Variants in ZFYVE9 observed in about 807,000 individuals in gnomAD.
ZFYVE9 encodes the protein zinc finger FYVE-type containing 9, also known as zinc finger FYVE domain-containing protein 9.
In ZFYVE9, 43 loss-of-function variants were observed where a neutral mutation model predicts 126.7. That is an observed-to-expected ratio of 0.34 (90% CI 0.27 to 0.44). The LOEUF (loss-of-function observed/expected upper bound fraction) is 0.44. ZFYVE9 is among the 20% of genes least tolerant of loss of function. The pLI is 1.00. For missense variants in ZFYVE9, 1,476 were observed against 1,697.0 expected (o/e 0.87, Z 2.29); for synonymous variants, 521 against 597.4 (o/e 0.87, Z 1.87).
At chr1:52,233,937 T>A (rs1029930202) in intron 3 of ZFYVE9, among the ~76,000 whole-genome samples, 5 of 152,028 alleles carry the variant, frequency 3.3e-5, no homozygotes, top group African/African-American at 1.2e-4. Flanking sequence ...CCCGCCACCA[T>A]GCCTGGCTAA....
intron 3 of ZFYVE9, among the ~76,000 whole-genome samples, chr1:52,235,003 G>A (rs1645260963): frequency 6.6e-6 from 1 of 152,124 alleles, no homozygotes; most frequent in South Asian, 2.1e-4. Flanking sequence ...TGTGACTTCT[G>A]TAGATTCTAT....
chr1:52,307,913 G>A (rs1430888259), intron 13 of ZFYVE9, among the ~76,000 whole-genome samples: 1 of 151,688 alleles, frequency 6.6e-6, no homozygotes, highest in Non-Finnish European at 1.5e-5. Flanking sequence ...TACCACGCCC[G>A]GCTAATTTTT....
At chr1:52,177,504 A>C (rs754812564) in intron 1 of ZFYVE9, among the ~76,000 whole-genome samples, 22 of 152,266 alleles carry the variant, frequency 1.4e-4, no homozygotes, top group Non-Finnish European at 2.6e-4. Context: ...TACATGACCC[A>C]TGTACTCTCT....
At chr1:52,234,691 CTA>C (rs1645257167) in intron 3 of ZFYVE9, among the ~76,000 whole-genome samples, 1 of 152,180 alleles carries the variant, frequency 6.6e-6, no homozygotes, top group Non-Finnish European at 1.5e-5. Context: ...CATTGATGAC[CTA>C]ACACTAACCT....
Position 52,303,838 on chromosome 1 carries a change from G to A in ZFYVE9, c.3351G>A (p.Gln1117=), listed in dbSNP as rs1646057431. 2 of 1,587,476 alleles carry A rather than the reference G, an allele frequency of 1.3e-6. No homozygotes were observed. Among genetic ancestry groups the A allele is most frequent in the Non-Finnish European group, 1.7e-6 (2 of 1,167,534 alleles). Residue 1117 remains glutamine (Q), a synonymous_variant, in exon 13 of 19, where the codon CAG becomes CAA. Coordinates refer to ENST00000287727, the MANE Select transcript of ZFYVE9 (RefSeq NM_004799.4). ...MNLLADFRNY[Q]YTLPVVQGLV... is the part of the protein sequence containing the mutation. ...TGGCCCAGGACTTCAGAAATTACCA[G>A]TATACCTTGCCAGTAGTTCAAGGTT...
chr1:52,249,302 A>C (rs527761270), intron 4 of ZFYVE9, among the ~76,000 whole-genome samples: 7 of 152,310 alleles, frequency 4.6e-5, no homozygotes, highest in Non-Finnish European at 1.0e-4. Flanking sequence ...TACACTTGTC[A>C]ACACTTGTTT....
intron 12 of ZFYVE9, among the ~76,000 whole-genome samples, chr1:52,299,849 A>G (rs145196605): frequency 1.3e-3 from 202 of 152,344 alleles, no homozygotes; most frequent in African/African-American, 4.4e-3. Flanking sequence ...GCACCATGCT[A>G]TGACTGGGAA....
chr1:52,332,688 T>G, intron 13 of ZFYVE9, 80 bp from the exon 14 acceptor site: 4 of 1,511,456 alleles, frequency 2.6e-6, no homozygotes, highest in Non-Finnish European at 2.7e-6. Context: ...TTAGTTTTGT[T>G]TTTGAGAAGA....
intron 13 of ZFYVE9, among the ~76,000 whole-genome samples, chr1:52,320,250 A>G (rs1646226749): frequency 6.6e-6 from 1 of 151,786 alleles, no homozygotes; most frequent in Non-Finnish European, 1.5e-5. Context: ...TTGTATTTTT[A>G]GTAGAGACGG....
At chr1:52,191,203 G>A (rs1644814001) in intron 1 of ZFYVE9, among the ~76,000 whole-genome samples, 1 of 152,150 alleles carries the variant, frequency 6.6e-6, no homozygotes, top group African/African-American at 2.4e-5. Flanking sequence ...GCCTCCCAAG[G>A]TGCTGGAATT....
intron 13 of ZFYVE9, among the ~76,000 whole-genome samples, chr1:52,321,817 C>T (rs1646243010): frequency 6.6e-6 from 1 of 152,220 alleles, no homozygotes. Flanking sequence ...ATTTCTATCT[C>T]TGTACACCCT....
At chr1:52,215,677 T>C (rs1175457899) in intron 1 of ZFYVE9, among the ~76,000 whole-genome samples, 3 of 152,348 alleles carry the variant, frequency 2.0e-5, no homozygotes, top group Admixed American at 6.5e-5. Flanking sequence ...TGTTCAAGGC[T>C]AAATTAGGCC....
intron 1 of ZFYVE9, chr1:52,180,679 AAAT>A (rs1644690147): frequency 7.8e-6 from 3 of 382,430 alleles, no homozygotes; most frequent in Non-Finnish European, 1.5e-5. Context: ...TACATTTTAG[AAAT>A]AATCATTGCT....
At position 52,342,819 on chromosome 1, in the gene ZFYVE9, A is replaced by T. The variant is rs527834417; in HGVS notation, c.3940-1949A>T. ...AGTACTGGGATTACAGGTGTGAGCC[A>T]CCGCACCCGGCCTTATATTTTGCCT... On this transcript the variant is annotated intron_variant, in intron 17 of 18. Coordinates refer to ENST00000287727, the MANE Select transcript of ZFYVE9 (RefSeq NM_004799.4). 5.3e-5 allele frequency among the ~76,000 whole-genome samples: 8 copies of T among 152,298 alleles called. No individual in the cohort carries two copies. The South Asian group carries it at 1.7e-3, about 32-fold the overall frequency.
chr1:52,247,873 G>C (rs1436379842), intron 4 of ZFYVE9, among the ~76,000 whole-genome samples: 1 of 152,014 alleles, frequency 6.6e-6, no homozygotes, highest in African/African-American at 2.4e-5. Context: ...TCTACCATCT[G>C]TTTGTATGAA....
chr1:52,209,138 G>A (rs187373640), intron 1 of ZFYVE9, among the ~76,000 whole-genome samples: 1 of 152,122 alleles, frequency 6.6e-6, no homozygotes, highest in African/African-American at 2.4e-5. Flanking sequence ...CAGTTCATAA[G>A]TGCTCTGATA....
At chr1:52,337,275 ACT>A (rs1320271472) in intron 15 of ZFYVE9, among the ~76,000 whole-genome samples, 1 of 151,636 alleles carries the variant, frequency 6.6e-6, no homozygotes, top group African/African-American at 2.4e-5. Context: ...CCCATATGAA[ACT>A]CTGTGGTAGG....
chr1:52,320,127 A>G (rs1282496067), intron 13 of ZFYVE9, among the ~76,000 whole-genome samples: 1 of 146,252 alleles, frequency 6.8e-6, no homozygotes, highest in East Asian at 2.1e-4. Context: ...CTGGAGTGCA[A>G]TGGTGCAATC....
intron 10 of ZFYVE9, among the ~76,000 whole-genome samples, chr1:52,288,925 CAAAA>C (rs775138803): frequency 1.6e-5 from 1 of 62,058 alleles, no homozygotes; most frequent in Admixed American, 1.8e-4. Flanking sequence ...GACTCTGTCT[CAAAA>C]AAAAAAAAAA....
Sources: gnomAD v4.1 joint callset for allele counts (sites outside exome capture counted in the v4.1 genomes callset) on GRCh38, gnomAD v4.1.1 for gene constraint, MANE v1.5 for transcripts, NCBI Gene and HGNC (gene_info 2026-07-23, HGNC 2026-07-21) for gene names.